Variants in CADPS2 observed in about 807,000 individuals in gnomAD.
CADPS2 encodes calcium-dependent secretion activator 2.
CADPS2 carries 93 observed loss-of-function variants against 172.5 expected under a neutral mutation model. That is an observed-to-expected ratio of 0.54 (90% CI 0.46 to 0.64). The LOEUF (loss-of-function observed/expected upper bound fraction) is 0.64. Ranked by LOEUF, CADPS2 falls within the 30% of genes least tolerant of loss-of-function variation. The probability of loss-of-function intolerance (pLI) is 0.00; values close to 1 mark genes in which losing one functional copy is unlikely to be tolerated. For missense variants in CADPS2, 1,420 were observed against 1,565.9 expected (o/e 0.91, Z 1.57); for synonymous variants, 546 against 555.2 (o/e 0.98, Z 0.23).
At chr7:122,870,682 A>C (rs1030314818) in intron 1 of CADPS2, among the ~76,000 whole-genome samples, 3 of 152,074 alleles carry the variant, frequency 2.0e-5, no homozygotes, top group Admixed American at 2.0e-4. Flanking sequence ...TATGTTAATT[A>C]GATTGAATCA....
intron 17 of CADPS2, among the ~76,000 whole-genome samples, chr7:122,423,717 C>G (rs1393936347): frequency 1.3e-5 from 2 of 152,088 alleles, no homozygotes; most frequent in South Asian, 4.1e-4. Flanking sequence ...TTGGCTTAAG[C>G]ATGCATCAGA....
At chr7:122,348,501 A>G (rs1427652607) in intron 27 of CADPS2, among the ~76,000 whole-genome samples, 1 of 152,168 alleles carries the variant, frequency 6.6e-6, no homozygotes, top group Non-Finnish European at 1.5e-5. Context: ...TGATTGTTGT[A>G]AAAAATCAAG....
chr7:122,817,988 T>C (rs928479393), intron 1 of CADPS2, among the ~76,000 whole-genome samples: 3 of 143,990 alleles, frequency 2.1e-5, no homozygotes, highest in East Asian at 4.4e-4. Flanking sequence ...CTTATTTCCA[T>C]GCCCCGACCC....
intron 1 of CADPS2, among the ~76,000 whole-genome samples, chr7:122,765,017 A>G (rs1445641260): frequency 6.6e-6 from 1 of 152,144 alleles, no homozygotes; most frequent in Admixed American, 6.5e-5. Context: ...AAGTAGGTGC[A>G]CTTTCTGAAA....
intron 3 of CADPS2, among the ~76,000 whole-genome samples, chr7:122,633,854 A>G (rs1409557046): frequency 6.6e-6 from 1 of 151,884 alleles, no homozygotes; most frequent in East Asian, 1.9e-4. Context: ...TCTTATTTTT[A>G]TATGTTTCTT....
At chr7:122,692,484 G>A (rs901920852) in intron 2 of CADPS2, among the ~76,000 whole-genome samples, 1 of 152,158 alleles carries the variant, frequency 6.6e-6, no homozygotes, top group Non-Finnish European at 1.5e-5. Flanking sequence ...GCAGTTCCTG[G>A]TGCTTCAGTA....
intron 11 of CADPS2, among the ~76,000 whole-genome samples, chr7:122,485,725 A>AAAAT: frequency 6.6e-6 from 1 of 152,366 alleles, no homozygotes; most frequent in Non-Finnish European, 1.5e-5. Flanking sequence ...TAGTGTAGAC[A>AAAAT]AAATAATCTT....
intron 13 of CADPS2, among the ~76,000 whole-genome samples, chr7:122,472,142 C>T (rs917235800): frequency 6.6e-6 from 1 of 152,136 alleles, no homozygotes; most frequent in African/African-American, 2.4e-5. Flanking sequence ...TGTGTGCATG[C>T]ATGCCACCTG....
At chr7:122,644,045 G>A (rs2078009209) in intron 3 of CADPS2, among the ~76,000 whole-genome samples, 1 of 152,052 alleles carries the variant, frequency 6.6e-6, no homozygotes, top group African/African-American at 2.4e-5. Context: ...ACTCCAGCCT[G>A]GGCAACAGAG....
At chr7:122,697,739 G>A (rs1204561299) in intron 2 of CADPS2, 2 of 1,373,160 alleles carry the variant, frequency 1.5e-6, no homozygotes, top group African/African-American at 1.5e-5. Flanking sequence ...TCAGTATTAG[G>A]ACCTGATTTC....
chr7:122,599,842 T>C (rs2072484291), intron 6 of CADPS2, among the ~76,000 whole-genome samples: 1 of 152,072 alleles, frequency 6.6e-6, no homozygotes, highest in Admixed American at 6.6e-5. Context: ...CTTTAACATT[T>C]ATATTTCACC....
At chr7:122,560,256 G>T (rs966627624) in intron 7 of CADPS2, among the ~76,000 whole-genome samples, 1 of 152,106 alleles carries the variant, frequency 6.6e-6, no homozygotes, top group Non-Finnish European at 1.5e-5. Flanking sequence ...GGAGATACAA[G>T]AAGGTAGGTT....
intron 6 of CADPS2, among the ~76,000 whole-genome samples, chr7:122,584,637 T>C (rs1186218955): frequency 6.6e-6 from 1 of 152,002 alleles, no homozygotes; most frequent in Non-Finnish European, 1.5e-5. Context: ...TTAAGTTGAA[T>C]GCATGGTCAT....
At chr7:122,616,385 A>C (rs1365466748) in intron 5 of CADPS2, among the ~76,000 whole-genome samples, 3 of 152,098 alleles carry the variant, frequency 2.0e-5, no homozygotes, top group Non-Finnish European at 4.4e-5. Flanking sequence ...ATTTTGATCC[A>C]AAAGGGCTCA....
chr7:122,332,717 T>C (rs977768182), intron 28 of CADPS2, among the ~76,000 whole-genome samples: 2 of 152,178 alleles, frequency 1.3e-5, no homozygotes, highest in Non-Finnish European at 2.9e-5. Context: ...TTCAGTTACA[T>C]AACACAATAA....
At chr7:122,823,125 T>C (rs905637548) in intron 1 of CADPS2, among the ~76,000 whole-genome samples, 2 of 152,246 alleles carry the variant, frequency 1.3e-5, no homozygotes, top group Admixed American at 1.3e-4. Flanking sequence ...GAGAAAAGTC[T>C]ATTCAGATCT....
chr7:122,539,853 T>C (rs1157330720), intron 8 of CADPS2, among the ~76,000 whole-genome samples: 2 of 152,042 alleles, frequency 1.3e-5, no homozygotes, highest in East Asian at 3.9e-4. Flanking sequence ...AAGCATGCTT[T>C]AATTTTATGC....
chr7:122,879,236 C>CAAAAA (rs34464177), intron 1 of CADPS2, among the ~76,000 whole-genome samples: 1 of 80,956 alleles, frequency 1.2e-5, no homozygotes. Flanking sequence ...TACTCTGCCT[C>CAAAAA]AAAAAAAAAA....
intron 7 of CADPS2, among the ~76,000 whole-genome samples, chr7:122,564,555 C>A (rs1056134295): frequency 6.6e-6 from 1 of 152,100 alleles, no homozygotes; most frequent in African/African-American, 2.4e-5. Flanking sequence ...GATCCACCTA[C>A]CTCGGACTCC....
Sources: gnomAD v4.1 joint callset for allele counts (sites outside exome capture counted in the v4.1 genomes callset) on GRCh38, gnomAD v4.1.1 for gene constraint, MANE v1.5 for transcripts, NCBI Gene and HGNC (gene_info 2026-07-23, HGNC 2026-07-21) for gene names.